Variants in GPHN observed in about 807,000 individuals in gnomAD.
GPHN encodes the protein gephyrin.
Under a neutral mutation model 95.5 loss-of-function variants are expected in GPHN, and 17 were observed. That is an observed-to-expected ratio of 0.18 (90% CI 0.12 to 0.27). The LOEUF (loss-of-function observed/expected upper bound fraction) is 0.27. Ranked by LOEUF, GPHN falls within the 10% of genes least tolerant of loss-of-function variation. GPHN has a pLI of 1.00. For synonymous variants in GPHN, 320 were observed against 322.5 expected, an observed-to-expected ratio of 0.99 and a Z score of 0.08; for missense variants, 660 against 978.1, an observed-to-expected ratio of 0.67 and a Z score of 4.34.
chr14:67,579,203 G>T, the GPHN span: 1 of 1,611,388 alleles, frequency 6.2e-7, no homozygotes, highest in African/African-American at 1.3e-5. Flanking sequence ...CCGGGGAGCG[G>T]GAAGCCAGGC....
the GPHN span, chr14:67,571,668 C>T: frequency 2.1e-6 from 3 of 1,454,594 alleles, no homozygotes; most frequent in Non-Finnish European, 2.9e-6. Flanking sequence ...ACCATGGGCA[C>T]TTGGACCAGG....
At chr14:67,412,159 A>G in the GPHN span, 1 of 1,054,306 alleles carries the variant, frequency 9.5e-7, no homozygotes. Context: ...CACGGCGCCC[A>G]GGAAGCAGCT....
intron 3 of GPHN, among the ~76,000 whole-genome samples, chr14:66,784,480 T>A (rs1002366293): frequency 6.6e-6 from 1 of 152,152 alleles, no homozygotes. Context: ...AACAGCAGAA[T>A]GGGTCAATAC....
the GPHN span, among the ~76,000 whole-genome samples, chr14:67,252,773 T>G: frequency 6.6e-6 from 1 of 152,220 alleles, no homozygotes. Flanking sequence ...ATTTGTACTT[T>G]TATCATTTAT....
chr14:67,431,565 A>T, the GPHN span, among the ~76,000 whole-genome samples: 63 of 151,752 alleles, frequency 4.2e-4, no homozygotes, highest in African/African-American at 1.5e-3. Context: ...TGTGGCACAC[A>T]TCTGTGGTCC....
At chr14:67,035,848 G>T (rs548044860) in intron 10 of GPHN, among the ~76,000 whole-genome samples, 79 of 151,858 alleles carry the variant, frequency 5.2e-4, no homozygotes, top group African/African-American at 1.7e-3. Context: ...ATTGGTACCA[G>T]TTCTTCTCAA....
At chr14:67,537,346 A>AAATAATAATAATAATAAT in the GPHN span, among the ~76,000 whole-genome samples, 202 of 126,602 alleles carry the variant, frequency 1.6e-3, 1 homozygote, top group African/African-American at 3.0e-3. Context: ...TCCATCTCAA[A>AAATAATAATAATAATAAT]AATAATAATA....
the GPHN span, among the ~76,000 whole-genome samples, chr14:67,399,025 C>T: frequency 1.1e-4 from 17 of 152,344 alleles, no homozygotes; most frequent in African/African-American, 3.4e-4. Context: ...TATCCTTGCA[C>T]GTAAATTTTG....
the GPHN span, among the ~76,000 whole-genome samples, chr14:67,355,238 A>G: frequency 6.6e-6 from 1 of 151,990 alleles, no homozygotes; most frequent in Non-Finnish European, 1.5e-5. Context: ...CTAGGTAACA[A>G]ATGACATACG....
intron 12 of GPHN, among the ~76,000 whole-genome samples, chr14:67,091,094 C>G (rs1346850200): frequency 6.6e-6 from 1 of 151,828 alleles, no homozygotes; most frequent in Non-Finnish European, 1.5e-5. Context: ...AATTGCTACT[C>G]TCATTTTCTG....
chr14:67,435,312 G>A, the GPHN span, among the ~76,000 whole-genome samples: 2 of 152,126 alleles, frequency 1.3e-5, no homozygotes, highest in South Asian at 4.2e-4. Flanking sequence ...CATGATAGCC[G>A]GTTAGTCCGT....
At chr14:67,674,510 A>ATACG in the GPHN span, 1 of 1,564,424 alleles carries the variant, frequency 6.4e-7, no homozygotes, top group Admixed American at 1.9e-5. Flanking sequence ...GCGCTGGAGC[A>ATACG]GCGGCCACCG....
chr14:66,558,238 G>C (rs924457032), intron 1 of GPHN, among the ~76,000 whole-genome samples: 5 of 152,052 alleles, frequency 3.3e-5, no homozygotes, highest in Admixed American at 2.0e-4. Context: ...ATAGCTTCCT[G>C]AGGAACTATA....
intron 4 of GPHN, among the ~76,000 whole-genome samples, chr14:66,850,612 A>G (rs1321879683): frequency 1.3e-5 from 2 of 152,106 alleles, no homozygotes; most frequent in African/African-American, 2.4e-5. Flanking sequence ...GGTTGTTACA[A>G]TTGGAGGGTA....
At chr14:67,683,008 A>G in the GPHN span, among the ~76,000 whole-genome samples, 2 of 152,246 alleles carry the variant, frequency 1.3e-5, no homozygotes, top group African/African-American at 4.8e-5. Flanking sequence ...GATTCCATTT[A>G]TATGAAATGT....
At chr14:66,764,771 T>C (rs1002935587) in intron 2 of GPHN, among the ~76,000 whole-genome samples, 2 of 151,942 alleles carry the variant, frequency 1.3e-5, no homozygotes, top group African/African-American at 4.8e-5. Context: ...TAGCACAAAT[T>C]TAAAATATAA....
chr14:66,893,288 G>A (rs778827986), intron 5 of GPHN, among the ~76,000 whole-genome samples: 3 of 152,122 alleles, frequency 2.0e-5, no homozygotes, highest in Admixed American at 6.5e-5. Context: ...CTGAGGTACC[G>A]GGTTCATCTC....
chr14:67,646,683 A>T, the GPHN span: 1 of 1,613,812 alleles, frequency 6.2e-7, no homozygotes, highest in Non-Finnish European at 8.5e-7. Flanking sequence ...CAAACCTTGT[A>T]TCTCTTCTGC....
rs557529216 is a variant in GPHN at position 66,850,984 on chromosome 14, A to G, written c.294+26418A>G. Among the ~76,000 whole-genome samples, 13 of 152,240 alleles carry G rather than the reference A, an allele frequency of 8.5e-5. No individual in the cohort carries two copies. In the East Asian group the frequency reaches 2.3e-3, roughly 27 times the overall value. On this transcript the variant is annotated intron_variant, in intron 4 of 22. Coordinates refer to ENST00000478722, the MANE Select transcript of GPHN (RefSeq NM_020806.5). ...TAATCACATTTTGTTATAAGAATAT[A>G]TAATTATTGTGCTGTGGTAATTTTA...
Sources: gnomAD v4.1 joint callset for allele counts (sites outside exome capture counted in the v4.1 genomes callset) on GRCh38, gnomAD v4.1.1 for gene constraint, MANE v1.5 for transcripts, NCBI Gene and HGNC (gene_info 2026-07-23, HGNC 2026-07-21) for gene names.